The following LIN54 variants were observed in gnomAD, a reference collection of about 807,000 sequenced individuals.
The protein encoded by LIN54 is lin-54 DREAM MuvB core complex component.
LIN54 carries 9 observed loss-of-function variants against 78.7 expected under a neutral mutation model. The ratio of observed to expected loss-of-function variants is 0.11; its 90% CI spans 0.07 to 0.20. The LOEUF (loss-of-function observed/expected upper bound fraction) is 0.20. Ranked by LOEUF, LIN54 falls within the 10% of genes least tolerant of loss-of-function variation. The probability of loss-of-function intolerance (pLI) is 1.00; values close to 1 mark genes in which losing one functional copy is unlikely to be tolerated. For synonymous variants in LIN54, 269 were observed against 318.4 expected (o/e 0.84, Z 1.65); for missense variants, 573 against 889.9 (o/e 0.64, Z 4.53).
chr4:82,938,432 C>G lies in LIN54; in HGVS notation c.1513G>C (p.Ala505Pro). ...ACTCACCCATTGAATGGAAGCCGTG[C>G]CTGGGTCTGGATACCAGATGTTCCA... ...FTGTSGIQTQARLPFNGIIPS... is the reference protein window; with the variant it reads ...FTGTSGIQTQPRLPFNGIIPS... The change falls in exon 8 of 13, where the codon GCA becomes CCA. Residue 505 changes from alanine (A) to proline (P), a missense_variant. Physicochemically the swap from Ala to Pro is conservative, Grantham distance 27. Transcript: ENST00000340417. 1.9e-6 allele frequency: 3 copies of G among 1,607,558 alleles called. No individual in the cohort carries two copies. The highest frequency in any genetic ancestry group is 1.7e-6 in the Non-Finnish European group (2 of 1,174,158).
chr4:82,999,599 A>G (rs1728559303), intron 1 of LIN54, among the ~76,000 whole-genome samples: 1 of 151,856 alleles, frequency 6.6e-6, no homozygotes, highest in African/African-American at 2.4e-5. Context: ...CAATATGGTG[A>G]AACCCTGTCT....
intron 3 of LIN54, among the ~76,000 whole-genome samples, chr4:82,975,572 C>T (rs1032863240): frequency 1.3e-5 from 2 of 151,624 alleles, no homozygotes; most frequent in African/African-American, 4.8e-5. Context: ...ATTAGCCGGG[C>T]ATAGTGGCAG....
chr4:83,002,764 TAAG>T (rs904107735), intron 1 of LIN54, among the ~76,000 whole-genome samples: 1 of 152,224 alleles, frequency 6.6e-6, no homozygotes, highest in Non-Finnish European at 1.5e-5. Flanking sequence ...TACTTTATTG[TAAG>T]AATATGATAT....
intron 4 of LIN54, among the ~76,000 whole-genome samples, chr4:82,959,421 G>C (rs1197179367): frequency 6.6e-6 from 1 of 152,108 alleles, no homozygotes; most frequent in Non-Finnish European, 1.5e-5. Flanking sequence ...CTTCAATCCA[G>C]GAGTCTGAGG....
chr4:83,000,498 T>C (rs949740487), intron 1 of LIN54, among the ~76,000 whole-genome samples: 3 of 152,234 alleles, frequency 2.0e-5, no homozygotes, highest in Non-Finnish European at 4.4e-5. Flanking sequence ...TGTTTTGTCC[T>C]TGAAGACATG....
intron 1 of LIN54, among the ~76,000 whole-genome samples, chr4:83,009,900 G>A (rs927765562): frequency 2.6e-5 from 4 of 152,112 alleles, no homozygotes; most frequent in African/African-American, 9.7e-5. Context: ...GGGGCAGGAG[G>A]GTGAGTATAG....
chr4:82,950,674 T>C (rs1317184921), intron 4 of LIN54, among the ~76,000 whole-genome samples: 1 of 152,206 alleles, frequency 6.6e-6, no homozygotes, highest in Non-Finnish European at 1.5e-5. Flanking sequence ...ATGTTTAACA[T>C]ATATAAGTGA....
intron 3 of LIN54, among the ~76,000 whole-genome samples, chr4:82,971,734 G>A (rs1051785183): frequency 6.6e-6 from 1 of 152,126 alleles, no homozygotes; most frequent in Non-Finnish European, 1.5e-5. Context: ...CAACTGAAAT[G>A]ACTATTTCAA....
chr4:82,999,181 T>C (rs1168342203), intron 1 of LIN54, among the ~76,000 whole-genome samples: 1 of 152,202 alleles, frequency 6.6e-6, no homozygotes, highest in Non-Finnish European at 1.5e-5. Context: ...AATGCAATAC[T>C]GTAAAACTTG....
chr4:82,986,702 C>CAAAAAA (rs70943178), intron 1 of LIN54, among the ~76,000 whole-genome samples: 10 of 68,722 alleles, frequency 1.5e-4, no homozygotes, highest in Admixed American at 3.7e-4. Context: ...GACCCCATCT[C>CAAAAAA]AAAAAAAAAA....
chr4:82,941,988 A>G (rs1018193762), intron 5 of LIN54, among the ~76,000 whole-genome samples: 3 of 152,202 alleles, frequency 2.0e-5, no homozygotes, highest in African/African-American at 7.2e-5. Flanking sequence ...AAGCAGATTT[A>G]AGAAGATAGA....
At chr4:82,960,799 C>T (rs965816242) in intron 4 of LIN54, among the ~76,000 whole-genome samples, 8 of 152,178 alleles carry the variant, frequency 5.3e-5, no homozygotes, top group African/African-American at 1.9e-4. Context: ...GTAGCTCATA[C>T]ATGTAATCCC....
At chr4:82,964,298 G>A (rs1437933872) in intron 4 of LIN54, among the ~76,000 whole-genome samples, 5 of 152,066 alleles carry the variant, frequency 3.3e-5, no homozygotes, top group African/African-American at 4.8e-5. Flanking sequence ...TGATCTTCCC[G>A]CCTCGGCCAC....
At chr4:82,947,430 G>GTA (rs1165653694) in intron 4 of LIN54, among the ~76,000 whole-genome samples, 1 of 111,818 alleles carries the variant, frequency 8.9e-6, no homozygotes, top group Non-Finnish European at 2.1e-5. Context: ...GTGTGTGTGT[G>GTA]TGTGTGTGTT....
At chr4:82,984,972 A>T in intron 1 of LIN54, 96 bp from the exon 2 acceptor site, 1 of 750,112 alleles carries the variant, frequency 1.3e-6, no homozygotes, top group South Asian at 1.8e-5. Flanking sequence ...GACAATTTTT[A>T]AATTGATATA....
chr4:82,941,633 C>CTGATCTGGAG (rs766060243), intron 5 of LIN54, among the ~76,000 whole-genome samples: 1 of 152,080 alleles, frequency 6.6e-6, no homozygotes, highest in Non-Finnish European at 1.5e-5. Flanking sequence ...AAATGAGGGT[C>CTGATCTGGAG]TGATCTGGAG....
At chr4:82,986,273 G>A (rs915384895) in intron 1 of LIN54, among the ~76,000 whole-genome samples, 1 of 151,962 alleles carries the variant, frequency 6.6e-6, no homozygotes, top group Non-Finnish European at 1.5e-5. Flanking sequence ...GTGCCACCAC[G>A]CCCAGCTAAT....
intron 1 of LIN54, among the ~76,000 whole-genome samples, chr4:83,004,861 T>G (rs556511931): frequency 6.6e-6 from 1 of 152,170 alleles, no homozygotes; most frequent in Non-Finnish European, 1.5e-5. Context: ...TTTACATTGG[T>G]TTTACAGTTT....
In LIN54 at chr4:82,970,411, T is replaced by C; in HGVS notation, c.867A>G (p.Glu289=). ...TTAAAGTTGATCCAATAACACCACT[T>C]TCAGATATTGTTATGGTCTTTGATG... ...GTPSKTITIS[E]SGVIGSTLNS... Residue 289 remains glutamate (E), a synonymous_variant, in exon 4 of 13, where the codon GAA becomes GAG. Coordinates refer to ENST00000340417, the MANE Select transcript of LIN54 (RefSeq NM_194282.4). The C allele has an allele frequency of 6.2e-7, 1 of 1,613,374 alleles. No homozygotes were observed. Among genetic ancestry groups the C allele is most frequent in the Non-Finnish European group, 8.5e-7 (1 of 1,179,488 alleles).
Sources: allele counts gnomAD v4.1 joint callset (sites outside exome capture counted in the v4.1 genomes callset), GRCh38; gene constraint gnomAD v4.1.1; transcripts MANE v1.5; gene names NCBI Gene and HGNC (gene_info 2026-07-23, HGNC 2026-07-21).